The following NT5C1A variants were observed in gnomAD, a reference collection of about 807,000 sequenced individuals.
NT5C1A encodes the protein cytosolic 5'-nucleotidase 1A.
In NT5C1A, 18 loss-of-function variants were observed where a neutral mutation model predicts 31.0. The observed-to-expected ratio is 0.58, with a 90% CI of 0.40 to 0.86. The LOEUF (loss-of-function observed/expected upper bound fraction) is 0.86. NT5C1A is among the 40% of genes least tolerant of loss of function. NT5C1A has a pLI of 0.00. For synonymous variants in NT5C1A, 185 were observed against 203.6 expected, an observed-to-expected ratio of 0.91 and a Z score of 0.78; for missense variants, 470 against 505.4, an observed-to-expected ratio of 0.93 and a Z score of 0.67.
intron 1 of NT5C1A, among the ~76,000 whole-genome samples, chr1:39,670,075 G>T (rs1265593663): frequency 6.6e-6 from 1 of 151,974 alleles, no homozygotes; most frequent in Non-Finnish European, 1.5e-5. Context: ...TATATAATTG[G>T]TGTTTATTTA....
Position 39,666,113 on chromosome 1 carries a change from C to T in NT5C1A, c.259G>A (p.Glu87Lys). The T allele has an allele frequency of 6.2e-7, 1 of 1,613,716 alleles. No individual in the cohort carries two copies. Among genetic ancestry groups the T allele is most frequent in the South Asian group, 1.1e-5 (1 of 91,090 alleles). ...GGCCCGGGACTGAAGGGTTCGTTCT[C>T]ATGTTCCAGCTGGTAGCGCACGTAC... is the stretch of plus-strand genomic sequence containing the variant. ...EEYVRYQLEHENEPFSPGPAF... is the reference protein window; with the variant it reads ...EEYVRYQLEHKNEPFSPGPAF... The change falls in exon 2 of 6, where the codon GAG (glutamate) becomes AAG (lysine). Residue 87 changes from glutamate to lysine, a missense_variant. Glu to Lys is a moderately conservative substitution (Grantham distance 56, BLOSUM62 1). Coordinates refer to ENST00000235628, the MANE Select transcript of NT5C1A (RefSeq NM_032526.3).
chr1:39,656,581 G>T lies in NT5C1A; in HGVS notation c.*2540C>A, dbSNP rs1646460085. On this transcript the variant is annotated 3_prime_UTR_variant, in exon 6 of 6. Coordinates refer to ENST00000235628, the MANE Select transcript of NT5C1A (RefSeq NM_032526.3). ...TCTGCTTCCAGCATCATATTTTCCT[G>T]CTTCCTGAGAGACATGGAATCATCA... 6.6e-6 allele frequency among the ~76,000 whole-genome samples: 1 copy of T among 152,214 alleles called. No individual in the cohort carries two copies. The highest frequency in any genetic ancestry group is 2.4e-5 in the African/African-American group (1 of 41,438).
At position 39,654,362 on chromosome 1, in the gene NT5C1A, G is replaced by C. The variant is rs145627965; in HGVS notation, c.*4759C>G. Among the ~76,000 whole-genome samples, 497 of 152,294 alleles carry C rather than the reference G, an allele frequency of 3.3e-3. 2 individuals carry two copies. The highest frequency in any genetic ancestry group is 0.012 in the African/African-American group (486 of 41,564). On this transcript the variant is annotated 3_prime_UTR_variant, in exon 6 of 6. Coordinates refer to ENST00000235628, the MANE Select transcript of NT5C1A (RefSeq NM_032526.3). Reference sequence around the variant, plus strand: ...TCACAGAAAGTACATGGATGACCTTGTTGGCTCGGAGCTGCTGAAATCAAC... The same window carrying C: ...TCACAGAAAGTACATGGATGACCTTCTTGGCTCGGAGCTGCTGAAATCAAC...
chr1:39,665,384 A>T, intron 3 of NT5C1A, 137 bp downstream of exon 3: 1 of 745,608 alleles, frequency 1.3e-6, no homozygotes, highest in Admixed American at 4.0e-5. Context: ...GTTTGTTTAA[A>T]GAGCGAATTT....
Position 39,665,650 on chromosome 1 carries a change from C to T in NT5C1A, c.304G>A (p.Ala102Thr). The change falls in exon 3 of 6, where the codon GCT becomes ACT. Residue 102 changes from alanine to threonine, a missense_variant and splice_region_variant. Physicochemically the swap from Ala to Thr is moderately conservative, Grantham distance 58. Coordinates refer to ENST00000235628, the MANE Select transcript of NT5C1A (RefSeq NM_032526.3). ...AGCCGCCTGTTCACGGCCTCCAGAG[C>T]CTGGAAAGGAGAGGGCACCCCCCAG... ...SPGPAFPFVK[A>T]LEAVNRRLRE... The T allele has an allele frequency of 6.2e-7, 1 of 1,612,868 alleles. No individual in the cohort carries two copies. The highest frequency in any genetic ancestry group is 8.5e-7 in the Non-Finnish European group (1 of 1,179,796).
chr1:39,663,224 C>T, intron 4 of NT5C1A, 88 bp downstream of exon 4: 1 of 1,499,222 alleles, frequency 6.7e-7, no homozygotes, highest in Non-Finnish European at 9.2e-7. Context: ...CAACTCCCAG[C>T]ACCTGCTCGG....
At chr1:39,662,702 G>C (rs1646497920) in intron 4 of NT5C1A, among the ~76,000 whole-genome samples, 2 of 152,226 alleles carry the variant, frequency 1.3e-5, no homozygotes, top group South Asian at 4.1e-4. Context: ...CTATGGGCCT[G>C]TTTATCTCAT....
Position 39,659,118 on chromosome 1 carries a change from C to G in NT5C1A, c.*3G>C, listed in dbSNP as rs764359425. 3.8e-6 allele frequency: 6 copies of G among 1,583,432 alleles called. No homozygotes were observed. The highest frequency in any genetic ancestry group is 5.2e-6 in the Non-Finnish European group (6 of 1,162,286). ...ATGTGGATCAGTAAAGCCGGTGGTTCAGCTACTGTGCAGATGGGGCCTGCT... is the reference window on the plus strand; with the variant it reads ...ATGTGGATCAGTAAAGCCGGTGGTTGAGCTACTGTGCAGATGGGGCCTGCT... On this transcript the variant is annotated 3_prime_UTR_variant, in exon 6 of 6. Coordinates refer to ENST00000235628, the MANE Select transcript of NT5C1A (RefSeq NM_032526.3).
chr1:39,665,524 A>C lies in NT5C1A; in HGVS notation c.430T>G (p.Tyr144Asp). 2 of 1,611,676 alleles carry C rather than the reference A, an allele frequency of 1.2e-6. No individual in the cohort carries two copies. The highest frequency in any genetic ancestry group is 1.7e-6 in the Non-Finnish European group (2 of 1,179,170). Reference protein sequence around the residue: ...GVRLINSINHYDLFIERFCMT... With the variant: ...GVRLINSINHDDLFIERFCMT... The stretch of plus-strand genomic sequence containing the variant: ...CCATCCTCATGCTCATGCTCACCAT[A>C]GTGGTTGATACTGTTGATGAGGCGG... The change falls in exon 3 of 6, where the codon TAT (tyrosine) becomes GAT (aspartate). Residue 144 changes from tyrosine (Y) to aspartate (D), a missense_variant. Physicochemically the swap from Tyr to Asp is radical, Grantham distance 160. Transcript: ENST00000235628.
In NT5C1A at chr1:39,652,418, T is replaced by C. The variant is rs1047237260; in HGVS notation, c.*6703A>G. ...TGGCAGCAACCATGGCAGACCACAG[T>C]GTTCTCCATTCTCAGTGAAGAACTG... On this transcript the variant is annotated 3_prime_UTR_variant, in exon 6 of 6. Coordinates refer to ENST00000235628, the MANE Select transcript of NT5C1A (RefSeq NM_032526.3). Among the ~76,000 whole-genome samples, 1 of 152,236 alleles carries C rather than the reference T, an allele frequency of 6.6e-6. No individual in the cohort carries two copies. Among genetic ancestry groups the C allele is most frequent in the African/African-American group, 2.4e-5 (1 of 41,472 alleles).
chr1:39,666,360 G>T (rs145772654), intron 1 of NT5C1A, 124 bp from the exon 2 acceptor site: 49 of 917,952 alleles, frequency 5.3e-5, no homozygotes, highest in Non-Finnish European at 7.7e-5. Flanking sequence ...TACCTAAAGA[G>T]GCCCAGCCTT....
chr1:39,666,339 G>A (rs1197547509), intron 1 of NT5C1A, 103 bp from the exon 2 acceptor site: 1 of 1,162,396 alleles, frequency 8.6e-7, no homozygotes, highest in Non-Finnish European at 1.2e-6. Context: ...AGAAGACCCA[G>A]ACCCAGTCTC....
Position 39,659,036 on chromosome 1 carries a change from A to G in NT5C1A, c.*85T>C, listed in dbSNP as rs920575629. 2.0e-6 allele frequency: 3 copies of G among 1,483,430 alleles called. No individual in the cohort carries two copies. Among genetic ancestry groups the G allele is most frequent in the Non-Finnish European group, 2.7e-6 (3 of 1,112,290 alleles). 91.9% of individuals were successfully genotyped at this position (1,483,430 alleles called of 1,614,324 possible). A position where few individuals can be genotyped will look rare whatever the true frequency, so the allele number is the denominator to read the frequency against. On this transcript the variant is annotated 3_prime_UTR_variant, in exon 6 of 6. Coordinates refer to ENST00000235628, the MANE Select transcript of NT5C1A (RefSeq NM_032526.3). Reference sequence around the variant, plus strand: ...AGACAGGCAGAAGGACAGAACAGTGAGAAACTAGAGGGATCTACCAGAGGA... The same window carrying G: ...AGACAGGCAGAAGGACAGAACAGTGGGAAACTAGAGGGATCTACCAGAGGA...
In NT5C1A at chr1:39,671,940, GA is replaced by G; in HGVS notation, c.98del (p.Phe33SerfsTer68). On this transcript the variant is annotated frameshift_variant, in exon 1 of 6. Coordinates refer to ENST00000235628, the MANE Select transcript of NT5C1A (RefSeq NM_032526.3). LOFTEE classifies it high-confidence loss of function. ...TCTTCTTGGGCGCGAGGTTGTCGTA[GA>G]AAATCTTGGCTTCCTCCCAGACCGG... ...AAPVWEEAKI[F>X]YDNLAPKKKP... is the part of the protein sequence containing the mutation. 1 of 1,613,328 alleles carries G rather than the reference GA, an allele frequency of 6.2e-7. No homozygotes were observed. Among genetic ancestry groups the G allele is most frequent in the Non-Finnish European group, 8.5e-7 (1 of 1,179,882 alleles).
chr1:39,659,229 A>G lies in NT5C1A; in HGVS notation c.999T>C (p.His333=), dbSNP rs1483049057. The stretch of plus-strand genomic sequence containing the variant: ...TGCCCATCTCCTGAGCCCCAGCCAC[A>G]TGGAACATCTGGTCATCAAAGAAGA... The part of the protein sequence containing the change: ...PHIFFDDQMF[H]VAGAQEMGTV... The change falls in exon 6 of 6, where the codon CAT becomes CAC. Residue 333 remains histidine, a synonymous_variant. Coordinates refer to ENST00000235628, the MANE Select transcript of NT5C1A (RefSeq NM_032526.3). 2.5e-6 allele frequency: 4 copies of G among 1,614,014 alleles called. No homozygotes were observed. The highest frequency in any genetic ancestry group is 1.7e-5 in the Admixed American group (1 of 60,010).
Position 39,661,072 on chromosome 1 carries a change from G to T in NT5C1A, c.741+7C>A. 6.4e-7 allele frequency: 1 copy of T among 1,556,584 alleles called. No individual in the cohort carries two copies. Among genetic ancestry groups the T allele is most frequent in the Non-Finnish European group, 8.8e-7 (1 of 1,131,952 alleles). On this transcript the variant is annotated splice_region_variant and intron_variant, in intron 5 of 5. Transcript: ENST00000235628. ...CCTCTCAGGGGTTCTGGGTCTATGG[G>T]GAGCACCTGAGCCAGAGGTTTGTTC...
intron 1 of NT5C1A, among the ~76,000 whole-genome samples, chr1:39,667,186 CT>C (rs1376873204): frequency 7.2e-6 from 1 of 139,140 alleles, no homozygotes; most frequent in South Asian, 2.3e-4. Flanking sequence ...TCAGGTCATA[CT>C]TTCCCCCTCT....
intron 1 of NT5C1A, among the ~76,000 whole-genome samples, chr1:39,666,939 C>T (rs1036187265): frequency 1.3e-5 from 2 of 152,204 alleles, no homozygotes; most frequent in Admixed American, 6.5e-5. Flanking sequence ...CCACTTCTTT[C>T]GTTCAGGCCA....
Position 39,659,113 on chromosome 1 carries a change from T to C in NT5C1A, c.*8A>G. The C allele has an allele frequency of 6.3e-7, 1 of 1,577,778 alleles. No homozygotes were observed. Among genetic ancestry groups the C allele is most frequent in the Non-Finnish European group, 8.6e-7 (1 of 1,159,420 alleles). ...GAGCAATGTGGATCAGTAAAGCCGG[T>C]GGTTCAGCTACTGTGCAGATGGGGC... On this transcript the variant is annotated 3_prime_UTR_variant, in exon 6 of 6. Transcript: ENST00000235628.
Sources: allele counts gnomAD v4.1 joint callset (sites outside exome capture counted in the v4.1 genomes callset), GRCh38; gene constraint gnomAD v4.1.1; transcripts MANE v1.5; gene names NCBI Gene and HGNC (gene_info 2026-07-23, HGNC 2026-07-21).